The following ARFRP1 variants were observed in gnomAD, a reference collection of about 807,000 sequenced individuals.
ARFRP1 encodes the protein ADP-ribosylation factor-related protein 1.
A neutral mutation model predicts 30.3 loss-of-function variants in ARFRP1; 19 were observed. That is an observed-to-expected ratio of 0.63 (90% CI 0.44 to 0.92). The LOEUF is 0.92. Among genes scored for constraint, ARFRP1 ranks in the 40% least tolerant of loss-of-function variants. The pLI is 0.00. For synonymous variants in ARFRP1, 133 were observed against 114.2 expected (o/e 1.16, Z -1.05); for missense variants, 245 against 267.5 (o/e 0.92, Z 0.59).
chr20:63,704,382 G>C (rs1425892916), intron 4 of ARFRP1: 1 of 152,298 alleles, frequency 6.6e-6, no homozygotes, highest in African/African-American at 2.4e-5. Flanking sequence ...TGCCTCATGG[G>C]CATGACTTGC....
intron 6 of ARFRP1, chr20:63,701,458 A>C: frequency 4.2e-6 from 2 of 480,720 alleles, no homozygotes; most frequent in Non-Finnish European, 8.4e-6. Context: ...AGGAACAGGT[A>C]AGGGTCAGAG....
At chr20:63,705,305 T>G in intron 4 of ARFRP1, 1 of 160,156 alleles carries the variant, frequency 6.2e-6, no homozygotes, top group Non-Finnish European at 1.4e-5. Flanking sequence ...GGAACTAGGA[T>G]CAAAAAAGAG....
At chr20:63,705,434 C>T in intron 4 of ARFRP1, 1 of 334,636 alleles carries the variant, frequency 3.0e-6, no homozygotes, top group Non-Finnish European at 5.9e-6. Context: ...AGGCTCTGCC[C>T]TGCTCAGTGC....
intron 4 of ARFRP1, 196 bp from the exon 5 acceptor site, chr20:63,702,413 T>C (rs899287610): frequency 1.7e-6 from 1 of 592,500 alleles, no homozygotes; most frequent in Admixed American, 3.0e-5. Context: ...ACGCTGCTCC[T>C]GAGAACCTGC....
At chr20:63,701,998 G>GACCCCCCCCCCCCCC in intron 5 of ARFRP1, 98 bp from the exon 6 acceptor site, 2 of 583,914 alleles carry the variant, frequency 3.4e-6, no homozygotes, top group Admixed American at 4.0e-5. Context: ...CACTCCCTCT[G>GACCCCCCCCCCCCCC]CCCCCCCCCC....
intron 6 of ARFRP1, 124 bp downstream of exon 6, chr20:63,701,706 G>C: frequency 1.1e-6 from 1 of 874,636 alleles, no homozygotes; most frequent in Non-Finnish European, 1.8e-6. Context: ...CAGGCCTTGA[G>C]AATGGCTCTG....
Position 63,700,196 on chromosome 20 carries a change from C to T in ARFRP1, c.*247G>A. On this transcript the variant is annotated 3_prime_UTR_variant, in exon 8 of 8. Transcript: ENST00000622789. ...CAGAAAGGGCCTCGAAAGGCCGCCG[C>T]TGCGCCCTGTGGAAAGGCTGCCGCT... 2 of 553,374 alleles carry T rather than the reference C, an allele frequency of 3.6e-6. No individual in the cohort carries two copies. Among genetic ancestry groups the T allele is most frequent in the South Asian group, 2.0e-5 (1 of 49,676 alleles). 34.3% of individuals were successfully genotyped at this position (553,374 alleles called of 1,614,324 possible). A position where few individuals can be genotyped will look rare whatever the true frequency, so the allele number is the denominator to read the frequency against.
At chr20:63,701,495 ACTT>A (rs2091202953) in intron 6 of ARFRP1, 1 of 506,554 alleles carries the variant, frequency 2.0e-6, no homozygotes, top group Non-Finnish European at 3.7e-6. Context: ...CCCCAGCATC[ACTT>A]CTTTGAGCTC....
intron 4 of ARFRP1, chr20:63,703,155 TGCC>T (rs2091292358): frequency 6.6e-6 from 1 of 152,262 alleles, no homozygotes; most frequent in Non-Finnish European, 1.5e-5. Context: ...CAGGCATGAG[TGCC>T]CAGAGACCTA....
In ARFRP1 at chr20:63,700,543, C is replaced by G. The variant is rs766357157; in HGVS notation, c.519-13G>C. 6.2e-7 allele frequency: 1 copy of G among 1,610,734 alleles called. No homozygotes were observed. The highest frequency in any genetic ancestry group is 2.2e-5 in the East Asian group (1 of 44,870). On this transcript the variant is annotated splice_polypyrimidine_tract_variant and intron_variant, in intron 7 of 7. Coordinates refer to ENST00000622789, the MANE Select transcript of ARFRP1 (RefSeq NM_001267547.3). The stretch of plus-strand genomic sequence containing the variant: ...GCGCACCCCTTTGCTGTGAAGACAG[C>G]GGGTGTGAGGCGGGGGGTCTCGGTC...
Position 63,698,648 on chromosome 20 carries a change from T to C in ARFRP1, c.*1795A>G. On this transcript the variant is annotated 3_prime_UTR_variant, in exon 8 of 8. Coordinates refer to ENST00000622789, the MANE Select transcript of ARFRP1 (RefSeq NM_001267547.3). ...TTTTTTTAAATAGAAGAAATGAGGTTTCTTAAAGCTTATTTTTATAAAGCT... is the reference window on the plus strand; with the variant it reads ...TTTTTTTAAATAGAAGAAATGAGGTCTCTTAAAGCTTATTTTTATAAAGCT... The C allele has an allele frequency of 1.5e-6, 2 of 1,338,380 alleles. No individual in the cohort carries two copies. The highest frequency in any genetic ancestry group is 3.1e-5 in the African/African-American group (2 of 64,056). The allele number at this position is 1,338,380 out of a possible 1,614,324, so 82.9% of individuals were successfully genotyped here. A position where few individuals can be genotyped will look rare whatever the true frequency, so the allele number is the denominator to read the frequency against.
rs2091043904 is a variant in ARFRP1 at position 63,698,690 on chromosome 20, T to C, written c.*1753A>G. The C allele has an allele frequency of 1.2e-5, 14 of 1,199,290 alleles. No homozygotes were observed. In the South Asian group the frequency reaches 2.4e-4, roughly 20 times the overall value. The allele number at this position is 1,199,290 out of a possible 1,614,324, so 74.3% of individuals were successfully genotyped here. On this transcript the variant is annotated 3_prime_UTR_variant, in exon 8 of 8. Coordinates refer to ENST00000622789, the MANE Select transcript of ARFRP1 (RefSeq NM_001267547.3). ...TATAAAGCTTTTTCATAAAACTGGT[T>C]GTAGTTGCACAGCTACTGGGAGGGC...
chr20:63,706,899 T>G, intron 2 of ARFRP1, 100 bp downstream of exon 2: 1 of 1,411,880 alleles, frequency 7.1e-7, no homozygotes, highest in Non-Finnish European at 1.0e-6. Flanking sequence ...AGGTGAAATT[T>G]GGCTTCCGTC....
chr20:63,707,297 A>G (rs2091530586), intron 1 of ARFRP1, 200 bp from the exon 2 acceptor site: 1 of 574,036 alleles, frequency 1.7e-6, no homozygotes, highest in Non-Finnish European at 3.1e-6. Flanking sequence ...TCCTGCTCAC[A>G]GCAATGACTG....
Position 63,701,863 on chromosome 20 carries a change from G to C in ARFRP1, c.384C>G (p.Pro128=). 1 of 1,550,520 alleles carries C rather than the reference G, an allele frequency of 6.4e-7. No individual in the cohort carries two copies. The highest frequency in any genetic ancestry group is 2.4e-5 in the East Asian group (1 of 41,042). Residue 128 remains proline (P), a synonymous_variant, in exon 6 of 8, where the codon CCC becomes CCG. Coordinates refer to ENST00000622789, the MANE Select transcript of ARFRP1 (RefSeq NM_001267547.3). The part of the protein sequence containing the change: ...VVTSEALCGV[P]VLVLANKQDV... ...CCTGCTTGTTGGCCAGCACCAAGAC[G>C]GGGACACCGCACAGCGCCTCGCTGG...
chr20:63,705,520 G>A, intron 4 of ARFRP1: 1 of 446,162 alleles, frequency 2.2e-6, no homozygotes, highest in South Asian at 1.8e-5. Flanking sequence ...GCACCACACT[G>A]GGATCTCAGA....
At position 63,699,969 on chromosome 20, in the gene ARFRP1, G is replaced by GC. The variant is rs1242797073; in HGVS notation, c.*473dup. ...CTGGGTCTTCCTCAAGGCAAGATCA[G>GC]CCCCAGACCACTTCCGGGGTCACGG... On this transcript the variant is annotated 3_prime_UTR_variant, in exon 8 of 8. Transcript: ENST00000622789. The GC allele has an allele frequency of 4.6e-6, 1 of 218,568 alleles. No homozygotes were observed. The highest frequency in any genetic ancestry group is 9.3e-6 in the Non-Finnish European group (1 of 107,470). The allele number at this position is 218,568 out of a possible 1,614,324, so 13.5% of individuals were successfully genotyped here.
chr20:63,700,845 AC>A, intron 6 of ARFRP1, 143 bp from the exon 7 acceptor site: 1 of 1,153,486 alleles, frequency 8.7e-7, no homozygotes, highest in Non-Finnish European at 1.2e-6. Flanking sequence ...TCCCACAGAG[AC>A]CACAGCAGTG....
chr20:63,699,463 C>G lies in ARFRP1; in HGVS notation c.*980G>C, dbSNP rs899940008. ...AGCCCAGTAACACCATCACCGTGTC[C>G]AACAGCCAGGAGCCTCCACCCTCCA... On this transcript the variant is annotated 3_prime_UTR_variant, in exon 8 of 8. Transcript: ENST00000622789. The G allele has an allele frequency of 6.6e-6, 1 of 152,566 alleles. No individual in the cohort carries two copies. Among genetic ancestry groups the G allele is most frequent in the African/African-American group, 2.4e-5 (1 of 41,426 alleles). The allele number at this position is 152,566 out of a possible 1,614,324, so 9.5% of individuals were successfully genotyped here. A position where few individuals can be genotyped will look rare whatever the true frequency, so the allele number is the denominator to read the frequency against.
Sources: gnomAD v4.1 joint callset for allele counts on GRCh38, gnomAD v4.1.1 for gene constraint, MANE v1.5 for transcripts, NCBI Gene and HGNC (gene_info 2026-07-23, HGNC 2026-07-21) for gene names.